Variants in FRMD7 observed in about 807,000 individuals in gnomAD.
The protein encoded by FRMD7 is FERM domain containing 7.
A neutral mutation model predicts 44.1 loss-of-function variants in FRMD7; 14 were observed. The ratio of observed to expected loss-of-function variants is 0.32; its 90% CI spans 0.21 to 0.50. The LOEUF (loss-of-function observed/expected upper bound fraction) is 0.50. FRMD7 is among the 20% of genes least tolerant of loss of function. The pLI is 0.99. For synonymous variants in FRMD7, 212 were observed against 187.4 expected, an observed-to-expected ratio of 1.13 and a Z score of -1.07; for missense variants, 501 against 522.3, an observed-to-expected ratio of 0.96 and a Z score of 0.40.
At chrX:132,103,094 A>G (rs1185457193) in intron 1 of FRMD7, among the ~76,000 whole-genome samples, 1 of 111,768 alleles carries the variant, frequency 8.9e-6, no homozygotes, top group African/African-American at 3.3e-5. Flanking sequence ...TCTCCGCGAG[A>G]GGCATTTTCC....
At chrX:132,125,070 G>A (rs1468232294) in intron 1 of FRMD7, among the ~76,000 whole-genome samples, 1 of 111,316 alleles carries the variant, frequency 9.0e-6, no homozygotes. Flanking sequence ...ATGATGAGAG[G>A]ACCCCAGTGT....
chrX:132,092,811 C>T (rs1374476227), intron 5 of FRMD7, among the ~76,000 whole-genome samples: 1 of 111,712 alleles, frequency 9.0e-6, no homozygotes, highest in African/African-American at 3.3e-5. Flanking sequence ...ACCCCAGTGC[C>T]AAAGTACAAT....
rs781250106 is a variant in FRMD7, at chrX:132,085,569, A to G, written c.645+12T>C. Reference sequence around the variant, plus strand: ...ACTAAAGCTGAAGGGCTTGAAAGGAAAGAGATTTTACCCGTAACACCAGTA... The same window carrying G: ...ACTAAAGCTGAAGGGCTTGAAAGGAGAGAGATTTTACCCGTAACACCAGTA... On this transcript the variant is annotated intron_variant, in intron 7 of 11. Transcript: ENST00000298542. 1 of 1,208,725 alleles carries G rather than the reference A, an allele frequency of 8.3e-7. No individual in the cohort carries two copies. The highest frequency in any genetic ancestry group is 2.2e-5 in the Admixed American group (1 of 45,968).
chrX:132,099,560 C>CTT, intron 2 of FRMD7, 50 bp from the exon 3 acceptor site: 34 of 765,520 alleles, frequency 4.4e-5, no homozygotes, highest in Middle Eastern at 3.5e-4. Context: ...TTGAGCAGAG[C>CTT]TTTTTTTTTT....
At chrX:132,099,928 G>T (rs1220064096) in intron 2 of FRMD7, among the ~76,000 whole-genome samples, 1 of 111,853 alleles carries the variant, frequency 8.9e-6, no homozygotes, top group East Asian at 2.8e-4. Flanking sequence ...TGCCAAGGCA[G>T]GACACAACAG....
intron 1 of FRMD7, among the ~76,000 whole-genome samples, chrX:132,110,543 C>T (rs1383824417): frequency 1.8e-5 from 2 of 111,336 alleles, no homozygotes; most frequent in African/African-American, 3.3e-5. Context: ...TTCATTTTAC[C>T]GTCTTTCATT....
At position 132,078,343 on chromosome X, in the gene FRMD7, G is replaced by T. The variant is rs369003419; in HGVS notation, c.1674C>A (p.Ser558Arg). The change falls in exon 12 of 12, where the codon AGC becomes AGA. Residue 558 changes from serine (S) to arginine (R), a missense_variant. Ser to Arg is a moderately radical substitution (Grantham distance 110). Coordinates refer to ENST00000298542, the MANE Select transcript of FRMD7 (RefSeq NM_194277.3). ...GACCTACATTGATGTTGCTCCTACC[G>T]CTAGTCCTGGCTATAGCTTCTTGGA... ...QVLQEAIART[S>R]GRSNINVGLE... 2 of 1,210,704 alleles carry T rather than the reference G, an allele frequency of 1.7e-6. No homozygotes were observed. The highest frequency in any genetic ancestry group is 1.1e-6 in the Non-Finnish European group (1 of 894,631).
intron 1 of FRMD7, among the ~76,000 whole-genome samples, chrX:132,113,509 G>T (rs1928827704): frequency 9.0e-6 from 1 of 111,125 alleles, no homozygotes; most frequent in Non-Finnish European, 1.9e-5. Context: ...CATTATGCCA[G>T]GCTCTCCTTA....
At chrX:132,102,508 G>T (rs1928528777) in intron 1 of FRMD7, among the ~76,000 whole-genome samples, 1 of 111,733 alleles carries the variant, frequency 8.9e-6, no homozygotes. Flanking sequence ...GGGGAGAGGG[G>T]TACATTTTTG....
intron 2 of FRMD7, among the ~76,000 whole-genome samples, chrX:132,099,918 T>C (rs1285032923): frequency 8.9e-6 from 1 of 111,837 alleles, no homozygotes; most frequent in Non-Finnish European, 1.9e-5. Flanking sequence ...ATCACAGATA[T>C]GCCAAGGCAG....
chrX:132,084,481 G>A lies in FRMD7; in HGVS notation c.741+9C>T. Reference sequence around the variant, plus strand: ...AGAAAGTAAACGAATTTATTAGAAAGCTACTTACCAAGATATTGGCATGAA... The same window carrying A: ...AGAAAGTAAACGAATTTATTAGAAAACTACTTACCAAGATATTGGCATGAA... On this transcript the variant is annotated intron_variant, in intron 8 of 11. Coordinates refer to ENST00000298542, the MANE Select transcript of FRMD7 (RefSeq NM_194277.3). 1 of 1,067,830 alleles carries A rather than the reference G, an allele frequency of 9.4e-7. No individual in the cohort carries two copies. The highest frequency in any genetic ancestry group is 3.0e-5 in the East Asian group (1 of 33,272). 88.0% of individuals were successfully genotyped at this position (1,067,830 alleles called of 1,213,427 possible).
At chrX:132,094,810 TAC>T (rs1336954461) in intron 4 of FRMD7, among the ~76,000 whole-genome samples, 1 of 111,837 alleles carries the variant, frequency 8.9e-6, no homozygotes, top group Non-Finnish European at 1.9e-5. Flanking sequence ...CACATCATTT[TAC>T]ACAGTTAGTG....
At chrX:132,105,860 C>A (rs1012007184) in intron 1 of FRMD7, among the ~76,000 whole-genome samples, 1 of 111,726 alleles carries the variant, frequency 9.0e-6, no homozygotes, top group African/African-American at 3.3e-5. Context: ...AGAATTAACT[C>A]AAGATGGATT....
At chrX:132,123,656 C>T (rs1035923396) in intron 1 of FRMD7, among the ~76,000 whole-genome samples, 2 of 112,284 alleles carry the variant, frequency 1.8e-5, no homozygotes, top group African/African-American at 6.5e-5. Flanking sequence ...GAACAGTGTT[C>T]GGTCCTGGCA....
chrX:132,079,926 G>A, intron 11 of FRMD7, 80 bp downstream of exon 11: 1 of 703,120 alleles, frequency 1.4e-6, no homozygotes, highest in Admixed American at 2.2e-5. Context: ...TGGGATTCTG[G>A]CAGAATCAAT....
Position 132,082,613 on chromosome X carries a change from G to A in FRMD7, c.742-87C>T, listed in dbSNP as rs771139246. The A allele has an allele frequency of 3.6e-5, 31 of 856,438 alleles. No homozygotes were observed. In the East Asian group the frequency reaches 5.0e-4, roughly 14 times the overall value. The allele number at this position is 856,438 out of a possible 1,213,427, so 70.6% of individuals were successfully genotyped here. A position where few individuals can be genotyped will look rare whatever the true frequency, so the allele number is the denominator to read the frequency against. On this transcript the variant is annotated intron_variant, in intron 8 of 11. Coordinates refer to ENST00000298542, the MANE Select transcript of FRMD7 (RefSeq NM_194277.3). ...CCAATGCCTTCCAAACTATTGCTCC[G>A]TTGGCCCATGCAGCTTCTGATTTTC...
Position 132,094,102 on chromosome X carries a change from G to A in FRMD7, c.322C>T (p.Leu108=), listed in dbSNP as rs1178586858. ...TTGTCACTGCATGGAAGCCTTCCTA[G>A]AGCCAAATCCTTCTTTATTTGAAGA... ...FTLQIKKDLA[L]GRLPCSDNCT... Residue 108 remains leucine, a synonymous_variant, in exon 5 of 12, where the codon CTA becomes TTA. Transcript: ENST00000298542. The A allele has an allele frequency of 1.7e-6, 2 of 1,176,096 alleles. No individual in the cohort carries two copies. The highest frequency in any genetic ancestry group is 2.3e-6 in the Non-Finnish European group (2 of 863,081).
intron 1 of FRMD7, among the ~76,000 whole-genome samples, chrX:132,120,378 T>A (rs1245809081): frequency 8.9e-6 from 1 of 112,282 alleles, no homozygotes; most frequent in Non-Finnish European, 1.9e-5. Flanking sequence ...CTGCTACTCC[T>A]CCCCAGCACC....
At chrX:132,116,731 G>C (rs1928908104) in intron 1 of FRMD7, among the ~76,000 whole-genome samples, 1 of 111,737 alleles carries the variant, frequency 8.9e-6, no homozygotes, top group South Asian at 3.8e-4. Flanking sequence ...TAATACGTAG[G>C]TGATGGGTTG....
Sources: gnomAD v4.1 joint callset for allele counts (sites outside exome capture counted in the v4.1 genomes callset) on GRCh38, gnomAD v4.1.1 for gene constraint, MANE v1.5 for transcripts, NCBI Gene and HGNC (gene_info 2026-07-23, HGNC 2026-07-21) for gene names.